Variants in PDE10A observed in about 807,000 individuals in gnomAD.
The protein encoded by PDE10A is phosphodiesterase 10A, also known as cAMP and cAMP-inhibited cGMP 3',5'-cyclic phosphodiesterase 10A.
In PDE10A, 39 loss-of-function variants were observed where a neutral mutation model predicts 97.7. The observed-to-expected ratio is 0.40, with a 90% CI of 0.31 to 0.52. PDE10A has a LOEUF of 0.52. PDE10A is among the 20% of genes least tolerant of loss of function. The pLI, the probability that PDE10A is intolerant of heterozygous loss-of-function variation, is 0.56. For synonymous variants in PDE10A, 371 were observed against 376.8 expected, an observed-to-expected ratio of 0.98 and a Z score of 0.18; for missense variants, 731 against 1,047.8, an observed-to-expected ratio of 0.70 and a Z score of 4.17.
intron 1 of PDE10A, chr6:165,781,482 G>A (rs1434566899): frequency 6.6e-6 from 1 of 151,638 alleles, no homozygotes; most frequent in Non-Finnish European, 1.5e-5. Context: ...TGAGTGCCGG[G>A]TACATGCTTG....
At chr6:165,460,818 A>T (rs1340765452) in intron 3 of PDE10A, among the ~76,000 whole-genome samples, 2 of 152,240 alleles carry the variant, frequency 1.3e-5, no homozygotes, top group African/African-American at 4.8e-5. Flanking sequence ...CCTCAGAATC[A>T]ACATACAATG....
At chr6:165,343,807 A>G (rs1452584719) in intron 18 of PDE10A, among the ~76,000 whole-genome samples, 1 of 152,216 alleles carries the variant, frequency 6.6e-6, no homozygotes, top group East Asian at 1.9e-4. Context: ...ATCCCCTGGT[A>G]CACTTTTATG....
intron 1 of PDE10A, among the ~76,000 whole-genome samples, chr6:165,767,084 G>A (rs1269482112): frequency 6.6e-6 from 1 of 151,968 alleles, no homozygotes; most frequent in Non-Finnish European, 1.5e-5. Context: ...TTAAAAAACG[G>A]GCTTTTGGAT....
At chr6:165,680,410 G>T (rs1269015860) in intron 1 of PDE10A, among the ~76,000 whole-genome samples, 1 of 152,226 alleles carries the variant, frequency 6.6e-6, no homozygotes, top group Admixed American at 6.5e-5. Context: ...CAAACTTCCA[G>T]CTACAATCGG....
chr6:165,918,668 C>A (rs1481288557), intron 1 of PDE10A, among the ~76,000 whole-genome samples: 1 of 152,216 alleles, frequency 6.6e-6, no homozygotes, highest in Non-Finnish European at 1.5e-5. Context: ...CGTTGACATT[C>A]TTCAAACAAA....
intron 1 of PDE10A, among the ~76,000 whole-genome samples, chr6:165,561,192 C>A (rs1406489809): frequency 6.6e-6 from 1 of 150,648 alleles, no homozygotes; most frequent in Admixed American, 6.6e-5. Context: ...GCACTCCAGG[C>A]TGGGTGACAA....
intron 1 of PDE10A, among the ~76,000 whole-genome samples, chr6:165,958,561 GAAA>G (rs1784234195): frequency 1.5e-4 from 2 of 13,330 alleles, no homozygotes; most frequent in South Asian, 2.7e-3. Context: ...AAGAAAGAAA[GAAA>G]GACAGACAGA....
chr6:165,881,142 G>T (rs902511214), intron 1 of PDE10A, among the ~76,000 whole-genome samples: 1 of 152,160 alleles, frequency 6.6e-6, no homozygotes, highest in Non-Finnish European at 1.5e-5. Flanking sequence ...TGGCTTCTAG[G>T]CTTCTCTGAT....
rs1309461569 is a variant in PDE10A, at chr6:165,585,750, G to A, written c.866-42182C>T. Among the ~76,000 whole-genome samples, 10 of 152,142 alleles carry A rather than the reference G, an allele frequency of 6.6e-5. No homozygotes were observed. In the East Asian group the frequency reaches 1.9e-3, roughly 29 times the overall value. On this transcript the variant is annotated intron_variant, in intron 1 of 21. Transcript: ENST00000539869. ...TTAAGCCACAACGTTTGTGGCATTT[G>A]TTAGAGCAGCCACAGGAAACTAATA...
chr6:165,878,191 A>G (rs1466097849), intron 1 of PDE10A, among the ~76,000 whole-genome samples: 2 of 152,230 alleles, frequency 1.3e-5, no homozygotes, highest in African/African-American at 4.8e-5. Context: ...CAGATTGGAA[A>G]CCAAACCATA....
At chr6:165,850,156 T>G (rs142421475) in intron 1 of PDE10A, among the ~76,000 whole-genome samples, 244 of 152,258 alleles carry the variant, frequency 1.6e-3, no homozygotes, top group African/African-American at 5.7e-3. Context: ...GATCCGTGTC[T>G]CCTACGAGAG....
chr6:165,564,177 T>C (rs890229175), intron 1 of PDE10A, among the ~76,000 whole-genome samples: 2 of 152,070 alleles, frequency 1.3e-5, no homozygotes, highest in Admixed American at 6.5e-5. Context: ...TATTAACTGG[T>C]GGATTTCCAA....
chr6:165,735,517 C>T (rs564684808), intron 1 of PDE10A, among the ~76,000 whole-genome samples: 1 of 152,156 alleles, frequency 6.6e-6, no homozygotes, highest in South Asian at 2.1e-4. Flanking sequence ...GAGGAATTGG[C>T]TCATCTGATT....
intron 1 of PDE10A, among the ~76,000 whole-genome samples, chr6:165,906,708 C>A (rs1782295268): frequency 6.6e-6 from 1 of 152,108 alleles, no homozygotes; most frequent in Non-Finnish European, 1.5e-5. Flanking sequence ...ACAGAGAAAG[C>A]CTGGAATAGG....
chr6:165,678,615 C>T (rs1790891694), intron 1 of PDE10A, among the ~76,000 whole-genome samples: 1 of 152,110 alleles, frequency 6.6e-6, no homozygotes, highest in Admixed American at 6.6e-5. Flanking sequence ...TTCCACTTCC[C>T]ATGCCACCCG....
chr6:165,778,566 C>T (rs1043150516), intron 1 of PDE10A, among the ~76,000 whole-genome samples: 6 of 152,168 alleles, frequency 3.9e-5, no homozygotes, highest in South Asian at 2.1e-4. Context: ...ATAATGAACA[C>T]GCCTAAGAGT....
intron 1 of PDE10A, among the ~76,000 whole-genome samples, chr6:165,951,315 T>C (rs147870416): frequency 6.6e-6 from 1 of 152,242 alleles, no homozygotes; most frequent in Non-Finnish European, 1.5e-5. Flanking sequence ...CATCCTTTTG[T>C]TCATTTTTGA....
intron 17 of PDE10A, among the ~76,000 whole-genome samples, chr6:165,384,430 A>C (rs892701516): frequency 5.9e-5 from 9 of 152,132 alleles, no homozygotes; most frequent in Admixed American, 5.9e-4. Flanking sequence ...TCAGGGAAAA[A>C]TGAGAACGCA....
intron 3 of PDE10A, among the ~76,000 whole-genome samples, chr6:165,451,775 G>A (rs1009060701): frequency 6.6e-6 from 1 of 152,192 alleles, no homozygotes; most frequent in Non-Finnish European, 1.5e-5. Context: ...AGTCATCAGA[G>A]ACCCTAGAAC....
Sources: gnomAD v4.1 joint callset for allele counts (sites outside exome capture counted in the v4.1 genomes callset) on GRCh38, gnomAD v4.1.1 for gene constraint, MANE v1.5 for transcripts, NCBI Gene and HGNC (gene_info 2026-07-23, HGNC 2026-07-21) for gene names.